The following IL1RAPL2 variants were observed in gnomAD, a reference collection of about 807,000 sequenced individuals.
IL1RAPL2 encodes X-linked interleukin-1 receptor accessory protein-like 2.
A neutral mutation model predicts 44.1 loss-of-function variants in IL1RAPL2; 3 were observed. That is an observed-to-expected ratio of 0.07 (90% CI 0.03 to 0.18). The LOEUF (loss-of-function observed/expected upper bound fraction) is 0.18, where lower values mean the gene tolerates loss of function less well. Ranked by LOEUF, IL1RAPL2 falls within the 10% of genes least tolerant of loss-of-function variation. The pLI is 1.00. For missense variants in IL1RAPL2, 391 were observed against 496.4 expected (o/e 0.79, Z 2.02); for synonymous variants, 181 against 178.8 (o/e 1.01, Z -0.10).
chrX:105,559,516 A>T (rs1483436950), intron 6 of IL1RAPL2, among the ~76,000 whole-genome samples: 6 of 111,158 alleles, frequency 5.4e-5, no homozygotes, highest in Non-Finnish European at 1.1e-4. Flanking sequence ...ATATTTCAAG[A>T]TCATTTTACT....
chrX:105,749,683 A>G (rs1015657431), intron 9 of IL1RAPL2, among the ~76,000 whole-genome samples: 4 of 112,094 alleles, frequency 3.6e-5, no homozygotes, highest in African/African-American at 9.7e-5. Context: ...GTAGCTCATA[A>G]TTTTCTTATA....
At chrX:104,722,950 A>G (rs935374973) in intron 2 of IL1RAPL2, among the ~76,000 whole-genome samples, 1 of 111,466 alleles carries the variant, frequency 9.0e-6, no homozygotes, top group African/African-American at 3.3e-5. Flanking sequence ...ATTAAGTTTA[A>G]TTGTAATGGT....
intron 6 of IL1RAPL2, among the ~76,000 whole-genome samples, chrX:105,677,922 C>T (rs763158869): frequency 1.8e-5 from 2 of 111,969 alleles, no homozygotes; most frequent in South Asian, 3.7e-4. Context: ...TGAAGCTATT[C>T]GAGAAGAACA....
rs1020930462 is a variant in IL1RAPL2, at chrX:105,747,539, C to T, written c.1049-1421C>T. ...GTGTATATATATATATATATATACA[C>T]ACACACACACACATATATACACACA... On this transcript the variant is annotated intron_variant, in intron 8 of 10. Transcript: ENST00000372582. 7.1e-3 allele frequency among the ~76,000 whole-genome samples: 679 copies of T among 95,700 alleles called. 13 individuals carry two copies. Among genetic ancestry groups the T allele is most frequent in the South Asian group, 0.023 (44 of 1,898 alleles). 83.1% of individuals were successfully genotyped at this position (95,700 alleles called of 115,157 possible). A position where few individuals can be genotyped will look rare whatever the true frequency, so the allele number is the denominator to read the frequency against.
At chrX:104,817,331 G>C (rs986027859) in intron 2 of IL1RAPL2, among the ~76,000 whole-genome samples, 29 of 112,325 alleles carry the variant, frequency 2.6e-4, no homozygotes, top group Non-Finnish European at 2.6e-4. Context: ...AGGTTTTATG[G>C]CTGGCTTGGG....
intron 6 of IL1RAPL2, among the ~76,000 whole-genome samples, chrX:105,713,408 C>A (rs2038229727): frequency 9.0e-6 from 1 of 111,350 alleles, no homozygotes; most frequent in African/African-American, 3.3e-5. Context: ...CACCTGCAGG[C>A]CCAACACCAT....
At chrX:105,548,904 A>C (rs1222131210) in intron 6 of IL1RAPL2, among the ~76,000 whole-genome samples, 1 of 112,330 alleles carries the variant, frequency 8.9e-6, no homozygotes, top group African/African-American at 3.2e-5. Flanking sequence ...TTATTGTATC[A>C]TTCTTTTCCA....
At chrX:104,623,359 A>G (rs1456935927) in intron 1 of IL1RAPL2, among the ~76,000 whole-genome samples, 1 of 110,723 alleles carries the variant, frequency 9.0e-6, no homozygotes, top group African/African-American at 3.3e-5. Context: ...CCAAACACAC[A>G]CTGCTATGCT....
chrX:105,141,257 G>A (rs1211602648), intron 2 of IL1RAPL2, among the ~76,000 whole-genome samples: 1 of 110,723 alleles, frequency 9.0e-6, no homozygotes, highest in East Asian at 2.9e-4. Flanking sequence ...AGGAGTATTT[G>A]AAGCCCACAG....
At chrX:104,658,234 G>T (rs1569291218) in intron 1 of IL1RAPL2, among the ~76,000 whole-genome samples, 1 of 112,391 alleles carries the variant, frequency 8.9e-6, no homozygotes, top group Non-Finnish European at 1.9e-5. Context: ...GTCAATGATA[G>T]GCTGGATTAA....
intron 6 of IL1RAPL2, among the ~76,000 whole-genome samples, chrX:105,680,134 G>A (rs2037911166): frequency 9.0e-6 from 1 of 111,250 alleles, no homozygotes. Flanking sequence ...CAAGTAACTG[G>A]GACTACAGGC....
At chrX:105,472,764 A>G (rs1402909960) in intron 5 of IL1RAPL2, among the ~76,000 whole-genome samples, 1 of 111,977 alleles carries the variant, frequency 8.9e-6, no homozygotes, top group Non-Finnish European at 1.9e-5. Context: ...GAGAGCTGCC[A>G]TCATGTGGGA....
intron 6 of IL1RAPL2, among the ~76,000 whole-genome samples, chrX:105,667,233 A>G (rs2037778235): frequency 8.9e-6 from 1 of 111,969 alleles, no homozygotes; most frequent in African/African-American, 3.3e-5. Flanking sequence ...GATTTTACCC[A>G]TTGAATGGGG....
chrX:105,572,641 C>A (rs1475647190), intron 6 of IL1RAPL2, among the ~76,000 whole-genome samples: 1 of 110,651 alleles, frequency 9.0e-6, no homozygotes, highest in Non-Finnish European at 1.9e-5. Flanking sequence ...CCTAAGGAAC[C>A]AGTATGATCA....
intron 2 of IL1RAPL2, among the ~76,000 whole-genome samples, chrX:104,795,799 G>C (rs1362225522): frequency 1.8e-5 from 2 of 111,916 alleles, no homozygotes; most frequent in African/African-American, 6.5e-5. Flanking sequence ...TTAAATCCTT[G>C]ACTTTCCAGA....
chrX:105,467,587 G>T (rs1489526485), intron 5 of IL1RAPL2, among the ~76,000 whole-genome samples: 1 of 111,005 alleles, frequency 9.0e-6, no homozygotes, highest in African/African-American at 3.3e-5. Flanking sequence ...AGGCAGTCCA[G>T]GGTTGGTATA....
intron 2 of IL1RAPL2, among the ~76,000 whole-genome samples, chrX:104,780,030 T>C (rs780049788): frequency 1.2e-4 from 13 of 111,921 alleles, no homozygotes; most frequent in Non-Finnish European, 2.3e-4. Flanking sequence ...ATGAAATTGA[T>C]AAAAATGATT....
At chrX:104,689,658 G>C (rs1302938547) in intron 2 of IL1RAPL2, among the ~76,000 whole-genome samples, 1 of 111,710 alleles carries the variant, frequency 9.0e-6, no homozygotes, top group Non-Finnish European at 1.9e-5. Context: ...CGGGCAAGCA[G>C]CCTTCACCAG....
At chrX:104,952,429 C>A (rs1396241435) in intron 2 of IL1RAPL2, among the ~76,000 whole-genome samples, 3 of 111,708 alleles carry the variant, frequency 2.7e-5, no homozygotes, top group South Asian at 3.7e-4. Context: ...AAAGAGAGAG[C>A]CCTCCAGAAT....
Sources: allele counts gnomAD v4.1 joint callset (sites outside exome capture counted in the v4.1 genomes callset), GRCh38; gene constraint gnomAD v4.1.1; transcripts MANE v1.5; gene names NCBI Gene and HGNC (gene_info 2026-07-23, HGNC 2026-07-21).